ZNF569: variants seen among roughly 807,000 people sequenced by gnomAD.
ZNF569 encodes the protein DNA-binding protein.
ZNF569 carries 38 observed loss-of-function variants against 56.3 expected under a neutral mutation model. The observed-to-expected ratio is 0.68, with a 90% CI of 0.52 to 0.88. The LOEUF is 0.88. Ranked by LOEUF, ZNF569 falls within the 40% of genes least tolerant of loss-of-function variation. The pLI is 0.00. For missense variants in ZNF569, 666 were observed against 809.2 expected (o/e 0.82, Z 2.15); for synonymous variants, 241 against 262.9 (o/e 0.92, Z 0.81).
intron 2 of ZNF569, among the ~76,000 whole-genome samples, chr19:37,447,038 C>A (rs1156645998): frequency 6.6e-6 from 1 of 152,116 alleles, no homozygotes; most frequent in East Asian, 1.9e-4. Flanking sequence ...AAACGCAAAC[C>A]ATAACCACCA....
chr19:37,456,437 T>C (rs2041671571), intron 2 of ZNF569, among the ~76,000 whole-genome samples: 1 of 152,200 alleles, frequency 6.6e-6, no homozygotes, highest in Non-Finnish European at 1.5e-5. Flanking sequence ...TGTCTTATAT[T>C]TTATCTCTTA....
At chr19:37,463,011 G>A (rs1301921372) in intron 2 of ZNF569, among the ~76,000 whole-genome samples, 1 of 152,146 alleles carries the variant, frequency 6.6e-6, no homozygotes, top group Non-Finnish European at 1.5e-5. Context: ...TTCCAAGTCA[G>A]TTTTTCCTAC....
chr19:37,459,846 C>G (rs974567027), intron 2 of ZNF569, among the ~76,000 whole-genome samples: 1 of 152,046 alleles, frequency 6.6e-6, no homozygotes, highest in Non-Finnish European at 1.5e-5. Flanking sequence ...TGTAAAGTTC[C>G]TGCACTACAT....
At chr19:37,459,285 A>AC (rs2041721950) in intron 2 of ZNF569, among the ~76,000 whole-genome samples, 1 of 151,956 alleles carries the variant, frequency 6.6e-6, no homozygotes, top group East Asian at 1.9e-4. Context: ...AACAACAACA[A>AC]AAAAAAACAA....
intron 3 of ZNF569, among the ~76,000 whole-genome samples, chr19:37,430,727 T>G (rs1304887824): frequency 1.3e-5 from 2 of 152,166 alleles, no homozygotes; most frequent in African/African-American, 4.8e-5. Flanking sequence ...AGGTCAGCAG[T>G]CACAGTATCT....
chr19:37,441,399 T>C (rs1167338042), intron 3 of ZNF569, among the ~76,000 whole-genome samples: 1 of 152,198 alleles, frequency 6.6e-6, no homozygotes, highest in Non-Finnish European at 1.5e-5. Flanking sequence ...CTCATGCCTG[T>C]AATCCCAACA....
chr19:37,459,483 A>C (rs886402329), intron 2 of ZNF569, among the ~76,000 whole-genome samples: 1 of 152,206 alleles, frequency 6.6e-6, no homozygotes, highest in East Asian at 1.9e-4. Flanking sequence ...ATTATCCTTC[A>C]AAGTTGAAGG....
In ZNF569 at chr19:37,411,898, G is replaced by A. The variant is rs1326084774; in HGVS notation, c.*699C>T. 2 of 152,064 alleles carry A rather than the reference G, an allele frequency of 1.3e-5. No individual in the cohort carries two copies. The highest frequency in any genetic ancestry group is 4.8e-5 in the African/African-American group (2 of 41,418). The allele number at this position is 152,064 out of a possible 1,614,324, so 9.4% of individuals were successfully genotyped here. A position where few individuals can be genotyped will look rare whatever the true frequency, so the allele number is the denominator to read the frequency against. On this transcript the variant is annotated 3_prime_UTR_variant, in exon 6 of 6. Transcript: ENST00000316950. ...GTAATACATTGTTTAAATGACAGCAGCTTTAAATAAGTACATGATATATCT... is the reference window on the plus strand; with the variant it reads ...GTAATACATTGTTTAAATGACAGCAACTTTAAATAAGTACATGATATATCT...
At chr19:37,438,646 C>T (rs1210282528) in intron 3 of ZNF569, among the ~76,000 whole-genome samples, 3 of 152,040 alleles carry the variant, frequency 2.0e-5, no homozygotes, top group Non-Finnish European at 4.4e-5. Flanking sequence ...AACTATGAAA[C>T]GACTAAAAGA....
chr19:37,447,891 G>A (rs931241719), intron 2 of ZNF569, among the ~76,000 whole-genome samples: 4 of 152,182 alleles, frequency 2.6e-5, no homozygotes, highest in Non-Finnish European at 5.9e-5. Flanking sequence ...GTCAACTGTA[G>A]TAATTGATTT....
At chr19:37,452,772 T>A (rs2041615472) in intron 2 of ZNF569, among the ~76,000 whole-genome samples, 1 of 152,234 alleles carries the variant, frequency 6.6e-6, no homozygotes, top group African/African-American at 2.4e-5. Flanking sequence ...GACAATTTGC[T>A]ATAATGCATC....
intron 3 of ZNF569, among the ~76,000 whole-genome samples, chr19:37,438,442 A>T (rs558637886): frequency 3.1e-4 from 47 of 152,302 alleles, no homozygotes; most frequent in Admixed American, 2.8e-3. Context: ...GGAACAGAAC[A>T]GAGAACCCAG....
intron 5 of ZNF569, among the ~76,000 whole-genome samples, chr19:37,419,969 C>CTTTTTTTTTTTTTTTT (rs60568702): frequency 4.2e-4 from 42 of 100,616 alleles, no homozygotes; most frequent in East Asian, 6.0e-4. Context: ...TCTTTTCTTT[C>CTTTTTTTTTTTTTTTT]TTTTTTTTTT....
Position 37,412,896 on chromosome 19 carries a change from A to G in ZNF569, c.1762T>C (p.Ser588Pro), listed in dbSNP as rs1600283232. 2 of 1,613,792 alleles carry G rather than the reference A, an allele frequency of 1.2e-6. No individual in the cohort carries two copies. The highest frequency in any genetic ancestry group is 1.7e-6 in the Non-Finnish European group (2 of 1,179,888). Residue 588 changes from serine to proline, a missense_variant, in exon 6 of 6, where the codon TCT becomes CCT. Transcript: ENST00000316950. ...TGCACAATAAGGGAAGTTCTTTGAG[A>G]GAAGGCTTTCCCACATTCATTACAT... ...YVCNECGKAF[S>P]QRTSLIVHMR...
In ZNF569 at chr19:37,413,359, A is replaced by G. The variant is rs147452776; in HGVS notation, c.1299T>C (p.Thr433=). ...KNFITHQKIH[T]REKPYECNEC... ...CATTACACTCATAAGGTTTCTCTCT[A>G]GTATGAATTTTCTGGTGTGTAATGA... The change falls in exon 6 of 6, where the codon ACT becomes ACC. Residue 433 remains threonine, a synonymous_variant. Transcript: ENST00000316950. 4 of 1,608,434 alleles carry G rather than the reference A, an allele frequency of 2.5e-6. No individual in the cohort carries two copies. In the East Asian group the frequency reaches 8.9e-5, roughly 36 times the overall value.
At chr19:37,468,034 T>A (rs2041878151), upstream of ZNF569, 1 of 1,082,674 alleles carries the variant, frequency 9.2e-7, no homozygotes. Context: ...AGCTGTGTCA[T>A]CTCAGACTAG....
At chr19:37,443,792 A>G (rs2041448143) in intron 3 of ZNF569, among the ~76,000 whole-genome samples, 1 of 151,540 alleles carries the variant, frequency 6.6e-6, no homozygotes, top group African/African-American at 2.4e-5. Flanking sequence ...GGATCACTTG[A>G]GGTCAAGAGC....
intron 2 of ZNF569, among the ~76,000 whole-genome samples, chr19:37,451,830 T>C (rs1480920749): frequency 1.3e-5 from 2 of 152,236 alleles, no homozygotes; most frequent in Non-Finnish European, 2.9e-5. Flanking sequence ...CGTTAAGATC[T>C]GAAGTGAGCT....
intron 2 of ZNF569, among the ~76,000 whole-genome samples, chr19:37,446,453 GGCAGGAGA>G (rs1402738444): frequency 6.6e-6 from 1 of 151,364 alleles, no homozygotes; most frequent in East Asian, 1.9e-4. Context: ...GGGAGGCTGA[GGCAGGAGA>G]ATGGCGTGAA....
Sources: gnomAD v4.1 joint callset for allele counts (sites outside exome capture counted in the v4.1 genomes callset) on GRCh38, gnomAD v4.1.1 for gene constraint, MANE v1.5 for transcripts, NCBI Gene and HGNC (gene_info 2026-07-23, HGNC 2026-07-21) for gene names.